The following KCNK2 variants were observed in gnomAD, a reference collection of about 807,000 sequenced individuals.
KCNK2 encodes the protein potassium two pore domain channel subfamily K member 2.
A neutral mutation model predicts 40.5 loss-of-function variants in KCNK2; 21 were observed. The observed-to-expected ratio is 0.52, with a 90% CI of 0.37 to 0.75. The LOEUF (loss-of-function observed/expected upper bound fraction) is 0.75, where lower values mean the gene tolerates loss of function less well. Among genes scored for constraint, KCNK2 ranks in the 30% least tolerant of loss-of-function variants. The pLI, the probability that KCNK2 is intolerant of heterozygous loss-of-function variation, is 0.00. For synonymous variants in KCNK2, 191 were observed against 202.2 expected (o/e 0.94, Z 0.47); for missense variants, 399 against 531.6 (o/e 0.75, Z 2.45).
At chr1:215,067,282 T>C (rs1170941930) in intron 1 of KCNK2, among the ~76,000 whole-genome samples, 1 of 152,160 alleles carries the variant, frequency 6.6e-6, no homozygotes, top group Non-Finnish European at 1.5e-5. Context: ...GTATGTACAA[T>C]TATTATTTAT....
chr1:215,076,917 T>A (rs975918807), intron 1 of KCNK2, among the ~76,000 whole-genome samples: 3 of 152,240 alleles, frequency 2.0e-5, no homozygotes, highest in African/African-American at 7.2e-5. Context: ...AGAATATGTA[T>A]GTGGCTTAAG....
At chr1:215,133,647 G>T in intron 3 of KCNK2, among the ~76,000 whole-genome samples, 1 of 148,700 alleles carries the variant, frequency 6.7e-6, no homozygotes. Context: ...TTTTAGACTT[G>T]TGCAATCTTA....
At chr1:215,179,197 A>G (rs1047217103) in intron 5 of KCNK2, among the ~76,000 whole-genome samples, 1 of 151,910 alleles carries the variant, frequency 6.6e-6, no homozygotes, top group Non-Finnish European at 1.5e-5. Context: ...ACCAGTTGTA[A>G]TGTTACCTTT....
At chr1:215,210,454 G>C (rs1250720333) in intron 6 of KCNK2, among the ~76,000 whole-genome samples, 1 of 151,982 alleles carries the variant, frequency 6.6e-6, no homozygotes, top group Non-Finnish European at 1.5e-5. Flanking sequence ...AGTATAGTCT[G>C]ACTACAGAAA....
intron 2 of KCNK2, among the ~76,000 whole-genome samples, chr1:215,087,126 C>G (rs1418839254): frequency 1.3e-5 from 2 of 152,184 alleles, no homozygotes; most frequent in Non-Finnish European, 2.9e-5. Flanking sequence ...CAGAAATGTG[C>G]TTTAATCTTG....
chr1:215,019,201 C>G (rs1571850307), intron 1 of KCNK2, among the ~76,000 whole-genome samples: 1 of 152,096 alleles, frequency 6.6e-6, no homozygotes, highest in African/African-American at 2.4e-5. Flanking sequence ...GAACAGCTGT[C>G]TAGTAGAGTG....
Position 215,007,029 on chromosome 1 carries a change from ATATATATATG to A in KCNK2, c.34+1076_34+1085del, listed in dbSNP as rs1271934583. Among the ~76,000 whole-genome samples, 80 of 68,426 alleles carry A rather than the reference ATATATATATG, an allele frequency of 1.2e-3. 2 individuals are homozygous for A. Among genetic ancestry groups the A allele is most frequent in the African/African-American group, 3.1e-3 (59 of 18,992 alleles). The allele number at this position is 68,426 out of a possible 152,430, so 44.9% of individuals were successfully genotyped here. ...TATATATATATATATATATATATAT[ATATATATATG>A]TGTGTGTGTGTATATATATATGTGT... On this transcript the variant is annotated intron_variant, in intron 1 of 6. Transcript: ENST00000391895.
At chr1:215,104,343 A>G (rs1351651565) in intron 2 of KCNK2, among the ~76,000 whole-genome samples, 1 of 152,006 alleles carries the variant, frequency 6.6e-6, no homozygotes, top group Non-Finnish European at 1.5e-5. Flanking sequence ...TCTTTCTCTT[A>G]TAAATACCAT....
intron 3 of KCNK2, among the ~76,000 whole-genome samples, chr1:215,135,110 A>G (rs1485790080): frequency 6.6e-6 from 1 of 152,184 alleles, no homozygotes; most frequent in Admixed American, 6.5e-5. Context: ...AACTAAAATC[A>G]TGTGCTGTAC....
At chr1:215,049,783 T>C (rs887096961) in intron 1 of KCNK2, among the ~76,000 whole-genome samples, 1 of 152,182 alleles carries the variant, frequency 6.6e-6, no homozygotes, top group Non-Finnish European at 1.5e-5. Context: ...GAAGTTGCTT[T>C]TACATCTTTG....
At chr1:215,164,533 A>C (rs1240374017) in intron 3 of KCNK2, among the ~76,000 whole-genome samples, 1 of 152,008 alleles carries the variant, frequency 6.6e-6, no homozygotes, top group African/African-American at 2.4e-5. Flanking sequence ...GATCTTTCCC[A>C]CTTTCTCCTG....
At chr1:215,070,727 G>A (rs566398575) in intron 1 of KCNK2, among the ~76,000 whole-genome samples, 2 of 152,176 alleles carry the variant, frequency 1.3e-5, no homozygotes, top group Non-Finnish European at 2.9e-5. Context: ...TGAGATTTGA[G>A]TAGAGACACA....
intron 5 of KCNK2, among the ~76,000 whole-genome samples, chr1:215,175,960 CAT>C (rs983978510): frequency 3.3e-5 from 5 of 152,052 alleles, no homozygotes; most frequent in South Asian, 2.1e-4. Flanking sequence ...CTGATAAACA[CAT>C]GTGTGTATGT....
chr1:215,010,632 TG>T (rs1656342799), intron 1 of KCNK2, among the ~76,000 whole-genome samples: 1 of 152,182 alleles, frequency 6.6e-6, no homozygotes, highest in South Asian at 2.1e-4. Context: ...AGGCTGCTTT[TG>T]TTCTTTTGAA....
intron 5 of KCNK2, among the ~76,000 whole-genome samples, chr1:215,179,267 G>C (rs774130160): frequency 1.1e-4 from 16 of 151,718 alleles, no homozygotes; most frequent in Admixed American, 3.3e-4. Flanking sequence ...TAATCTAGCT[G>C]TCTATTGATC....
At chr1:215,007,276 T>C (rs1160358640) in intron 1 of KCNK2, among the ~76,000 whole-genome samples, 1 of 142,606 alleles carries the variant, frequency 7.0e-6, no homozygotes, top group Admixed American at 7.1e-5. Flanking sequence ...TTTGTGGCAT[T>C]GGGACTTGGG....
chr1:215,031,395 C>T (rs937202431), intron 1 of KCNK2, among the ~76,000 whole-genome samples: 22 of 152,248 alleles, frequency 1.4e-4, no homozygotes, highest in African/African-American at 5.3e-4. Context: ...TCTTTGATTT[C>T]TTTCATGAGT....
intron 6 of KCNK2, among the ~76,000 whole-genome samples, chr1:215,204,037 C>CAAAAAAAAAAAAAAAAAAAA (rs71167813): frequency 9.4e-5 from 5 of 53,186 alleles, no homozygotes; most frequent in African/African-American, 5.4e-4. Context: ...GACTCCGTCT[C>CAAAAAAAAAAAAAAAAAAAA]AAAAAAAAAA....
In KCNK2 at chr1:215,024,620, C is replaced by A. The variant is rs1218685252; in HGVS notation, c.34+18665C>A. On this transcript the variant is annotated intron_variant, in intron 1 of 6. Coordinates refer to the KCNK2 transcript ENST00000391895. ...AATCTTACCTATATACTGAGTGCCACCTCCTTTATAAAGCTTTTCATGCCT... is the reference window on the plus strand; with the variant it reads ...AATCTTACCTATATACTGAGTGCCAACTCCTTTATAAAGCTTTTCATGCCT... Among the ~76,000 whole-genome samples, 3 of 152,062 alleles carry A rather than the reference C, an allele frequency of 2.0e-5. No homozygotes were observed. In the South Asian group the frequency reaches 6.2e-4, roughly 31 times the overall value.
Sources: allele counts gnomAD v4.1 joint callset (sites outside exome capture counted in the v4.1 genomes callset), GRCh38; gene constraint gnomAD v4.1.1; transcripts MANE v1.5; gene names NCBI Gene and HGNC (gene_info 2026-07-23, HGNC 2026-07-21).